Variants in LPIN1 observed in about 807,000 individuals in gnomAD.
The protein encoded by LPIN1 is lipin 1.
LPIN1 carries 71 observed loss-of-function variants against 107.5 expected under a neutral mutation model. The ratio of observed to expected loss-of-function variants is 0.66; its 90% CI spans 0.55 to 0.80. The LOEUF is 0.80. Among genes scored for constraint, LPIN1 ranks in the 30% least tolerant of loss-of-function variants. The pLI is 0.00. For synonymous variants in LPIN1, 445 were observed against 452.6 expected (o/e 0.98, Z 0.21); for missense variants, 1,043 against 1,160.6 (o/e 0.90, Z 1.47).
At chr2:11,717,529 C>G (rs528388332) in intron 2 of LPIN1, among the ~76,000 whole-genome samples, 2 of 149,830 alleles carry the variant, frequency 1.3e-5, no homozygotes, top group Admixed American at 1.3e-4. Flanking sequence ...TAAACTTTGA[C>G]ATTAGCCTAT....
chr2:11,749,721 C>T (rs1034187087), intron 1 of LPIN1, among the ~76,000 whole-genome samples: 16 of 152,332 alleles, frequency 1.1e-4, no homozygotes, highest in African/African-American at 3.4e-4. Flanking sequence ...CGCGTTGTGC[C>T]GCTCCCACTC....
Position 11,782,343 on chromosome 2 carries a change from T to C in LPIN1, c.1100T>C (p.Leu367Ser). ...CCAACTCTGGTCGGTGGGGCACTTT[T>C]GGACCAGAACAAGCCTCAGACAGAA... ...QSPTLVGGALLDQNKPQTEMQ... is the reference protein window; with the variant it reads ...QSPTLVGGALSDQNKPQTEMQ... The change falls in exon 8 of 21, where the codon TTG becomes TCG. Residue 367 changes from leucine to serine, a missense_variant. Physicochemically the swap from Leu to Ser is moderately radical, Grantham distance 145. Transcript: ENST00000674199. 1 of 1,614,202 alleles carries C rather than the reference T, an allele frequency of 6.2e-7. No individual in the cohort carries two copies.
chr2:11,713,398 A>G (rs1420932570), intron 1 of LPIN1, among the ~76,000 whole-genome samples: 1 of 152,134 alleles, frequency 6.6e-6, no homozygotes, highest in Non-Finnish European at 1.5e-5. Context: ...AGCCTCCTGA[A>G]TAGCTGGGAT....
At chr2:11,747,039 G>A (rs1034841531) in intron 1 of LPIN1, among the ~76,000 whole-genome samples, 5 of 152,230 alleles carry the variant, frequency 3.3e-5, no homozygotes, top group Non-Finnish European at 7.3e-5. Flanking sequence ...CGGCCAGCGC[G>A]GGTGCGTCCT....
chr2:11,691,787 T>G (rs912642427), intron 1 of LPIN1, among the ~76,000 whole-genome samples: 17 of 152,236 alleles, frequency 1.1e-4, no homozygotes, highest in African/African-American at 4.1e-4. Flanking sequence ...TGGCCTGGCA[T>G]GAGAAGCCTC....
chr2:11,799,901 C>A (rs1368376378), intron 14 of LPIN1, among the ~76,000 whole-genome samples: 1 of 152,200 alleles, frequency 6.6e-6, no homozygotes, highest in East Asian at 1.9e-4. Context: ...AACTGCTGTA[C>A]CATCTCCACT....
intron 1 of LPIN1, among the ~76,000 whole-genome samples, chr2:11,708,714 C>G (rs553619730): frequency 5.9e-5 from 9 of 152,092 alleles, no homozygotes; most frequent in Non-Finnish European, 8.8e-5. Flanking sequence ...CGTAAGAAAG[C>G]TGACCCAAAG....
chr2:11,699,913 C>A (rs891089325), intron 1 of LPIN1, among the ~76,000 whole-genome samples: 1 of 152,084 alleles, frequency 6.6e-6, no homozygotes, highest in African/African-American at 2.4e-5. Flanking sequence ...ATTACTCAAC[C>A]TTTCTGAAAC....
At chr2:11,725,259 TCAAAAA>T (rs59510408) in intron 1 of LPIN1, among the ~76,000 whole-genome samples, 59 of 151,150 alleles carry the variant, frequency 3.9e-4, no homozygotes, top group Middle Eastern at 6.8e-3. Flanking sequence ...AGACTCCGTC[TCAAAAA>T]CAAAAACAAA....
At chr2:11,755,028 C>T (rs538381740) in intron 1 of LPIN1, among the ~76,000 whole-genome samples, 13 of 150,930 alleles carry the variant, frequency 8.6e-5, no homozygotes, top group Admixed American at 4.6e-4. Context: ...TGCAGTGGCA[C>T]GATCTCGGCT....
rs1457100655 is a variant in LPIN1, at chr2:11,824,875, C to T, written c.*84C>T. 2 of 1,496,698 alleles carry T rather than the reference C, an allele frequency of 1.3e-6. No individual in the cohort carries two copies. Among genetic ancestry groups the T allele is most frequent in the Admixed American group, 3.4e-5 (2 of 58,866 alleles). 92.7% of individuals were successfully genotyped at this position (1,496,698 alleles called of 1,614,324 possible). ...TAGGTCTCCCCGGAGTGCACAGCTC[C>T]ACCTGGGAGCCTGGCGCGTCATCAT... is the stretch of plus-strand genomic sequence containing the variant. On this transcript the variant is annotated 3_prime_UTR_variant, in exon 21 of 21. Coordinates refer to ENST00000674199, the MANE Select transcript of LPIN1 (RefSeq NM_001349206.2).
At chr2:11,705,568 G>A in intron 1 of LPIN1, among the ~76,000 whole-genome samples, 1 of 152,196 alleles carries the variant, frequency 6.6e-6, no homozygotes, top group African/African-American at 2.4e-5. Flanking sequence ...GGCCTGGGGG[G>A]TGAAGAGAGG....
At chr2:11,824,150 T>A (rs1358693409) in intron 20 of LPIN1, among the ~76,000 whole-genome samples, 1 of 152,132 alleles carries the variant, frequency 6.6e-6, no homozygotes, top group Non-Finnish European at 1.5e-5. Context: ...TTGCCCACGA[T>A]CACGCAGCTA....
At chr2:11,775,864 T>C (rs539671232) in intron 5 of LPIN1, among the ~76,000 whole-genome samples, 7 of 147,836 alleles carry the variant, frequency 4.7e-5, no homozygotes, top group African/African-American at 1.7e-4. Flanking sequence ...ATATATACTT[T>C]GTAATTATAT....
chr2:11,726,475 G>A (rs186059017), intron 1 of LPIN1, among the ~76,000 whole-genome samples: 54 of 147,830 alleles, frequency 3.7e-4, no homozygotes, highest in Middle Eastern at 3.4e-3. Context: ...GCTCTCCCCC[G>A]CCCCCCATCT....
chr2:11,795,302 C>A, intron 13 of LPIN1, 106 bp from the exon 14 acceptor site: 2 of 920,870 alleles, frequency 2.2e-6, no homozygotes, highest in Non-Finnish European at 3.6e-6. Context: ...GGGGAATGGT[C>A]TATCTTTAGG....
Position 11,773,722 on chromosome 2 carries a change from T to G in LPIN1, c.699T>G (p.Asp233Glu). ...AGTCAGCCTCATACCCTAATTCGGA[T>G]AGAGAGTGGTCACCCACTCCCAGGT... ...YPQSASYPNS[D>E]REWSPTPSSL... Residue 233 changes from aspartate (D) to glutamate (E), a missense_variant, in exon 5 of 21, where the codon GAT becomes GAG. Coordinates refer to ENST00000674199, the MANE Select transcript of LPIN1 (RefSeq NM_001349206.2). 1 of 1,614,064 alleles carries G rather than the reference T, an allele frequency of 6.2e-7. No homozygotes were observed. The highest frequency in any genetic ancestry group is 8.5e-7 in the Non-Finnish European group (1 of 1,179,958).
upstream of LPIN1, chr2:11,745,127 C>A (rs1035047475): frequency 6.6e-6 from 1 of 152,308 alleles, no homozygotes; most frequent in African/African-American, 2.4e-5. Context: ...CCCTCTGCAT[C>A]TCAGCAGAGC....
At chr2:11,819,671 T>A in intron 19 of LPIN1, 73 bp downstream of exon 19, 1 of 1,100,498 alleles carries the variant, frequency 9.1e-7, no homozygotes, top group Non-Finnish European at 1.4e-6. Flanking sequence ...CTGAAAGCCC[T>A]ATCCGAGAAC....
Sources: gnomAD v4.1 joint callset for allele counts (sites outside exome capture counted in the v4.1 genomes callset) on GRCh38, gnomAD v4.1.1 for gene constraint, MANE v1.5 for transcripts, NCBI Gene and HGNC (gene_info 2026-07-23, HGNC 2026-07-21) for gene names.